Variants in MADD observed in about 807,000 individuals in gnomAD.
MADD encodes MAP kinase-activating death domain protein.
In MADD, 109 loss-of-function variants were observed where a neutral mutation model predicts 176.7. The observed-to-expected ratio is 0.62, with a 90% confidence interval of 0.53 to 0.72. The LOEUF is 0.72. MADD is among the 30% of genes least tolerant of loss of function. The pLI, the probability that MADD is intolerant of heterozygous loss-of-function variation, is 0.00. For missense variants in MADD, 1,914 were observed against 2,045.5 expected (o/e 0.94, Z 1.24); for synonymous variants, 771 against 771.3 (o/e 1.00, Z 0.01).
intron 25 of MADD, among the ~76,000 whole-genome samples, chr11:47,310,289 C>T (rs2087302379): frequency 6.6e-6 from 1 of 151,896 alleles, no homozygotes; most frequent in Non-Finnish European, 1.5e-5. Flanking sequence ...TCAAGCAATT[C>T]TCCTGCCTCA....
intron 27 of MADD, among the ~76,000 whole-genome samples, chr11:47,322,972 T>A (rs935936170): frequency 6.6e-6 from 1 of 152,124 alleles, no homozygotes; most frequent in Non-Finnish European, 1.5e-5. Context: ...GCGCGGTGGC[T>A]CACGCCTGTA....
chr11:47,284,910 G>T, intron 12 of MADD, 31 bp from the exon 13 acceptor site: 3 of 1,611,098 alleles, frequency 1.9e-6, no homozygotes, highest in Non-Finnish European at 2.5e-6. Context: ...TGGGCACCAG[G>T]TAACCACTTT....
intron 22 of MADD, among the ~76,000 whole-genome samples, chr11:47,304,595 A>G (rs958521658): frequency 4.0e-5 from 6 of 149,742 alleles, no homozygotes; most frequent in African/African-American, 1.5e-4. Flanking sequence ...TTTTTTTGTT[A>G]TGATTTTTAT....
At chr11:47,269,795 G>A (rs1958484572), upstream of MADD, 1 of 152,176 alleles carries the variant, frequency 6.6e-6, no homozygotes, top group South Asian at 2.1e-4. Flanking sequence ...CCGTCAGGAA[G>A]TCTCAGGGGC....
chr11:47,309,759 C>T (rs1333395992), intron 25 of MADD, 147 bp downstream of exon 28: 2 of 627,964 alleles, frequency 3.2e-6, no homozygotes, highest in Non-Finnish European at 5.6e-6. Context: ...GGCCTCTCTG[C>T]CAGCTTACAA....
intron 15 of MADD, 61 bp from the exon 17 acceptor site, chr11:47,289,330 G>T (rs1592724349): frequency 7.3e-7 from 1 of 1,366,872 alleles, no homozygotes; most frequent in East Asian, 2.3e-5. Context: ...TTAGGGCTGT[G>T]CTGGCATGAG....
intron 6 of MADD, 108 bp from the exon 7 acceptor site, chr11:47,278,891 C>T (rs867093300): frequency 1.5e-5 from 12 of 820,888 alleles, no homozygotes; most frequent in South Asian, 4.7e-5. Flanking sequence ...AATGTATATT[C>T]GTTTATATAA....
At chr11:47,308,025 A>AT (rs1233776403) in intron 22 of MADD, among the ~76,000 whole-genome samples, 7 of 152,224 alleles carry the variant, frequency 4.6e-5, no homozygotes, top group African/African-American at 1.4e-4. Flanking sequence ...AGTTAGTGAT[A>AT]TTTTTTAGGG....
intron 22 of MADD, among the ~76,000 whole-genome samples, chr11:47,302,904 T>TTGTG (rs1353316711): frequency 2.6e-5 from 4 of 152,190 alleles, no homozygotes; most frequent in African/African-American, 9.6e-5. Flanking sequence ...TTTTTCTCCT[T>TTGTG]TGTGTGTCTG....
intron 27 of MADD, among the ~76,000 whole-genome samples, chr11:47,320,669 A>C (rs10742801): frequency 0.4 from 61,087 of 151,080 alleles, 13,356 homozygotes; most frequent in East Asian, 0.69. Flanking sequence ...TGCCTGTGGT[A>C]CCAGCTACTG....
intron 25 of MADD, among the ~76,000 whole-genome samples, chr11:47,310,518 C>CA (rs2087649469): frequency 6.6e-6 from 1 of 152,054 alleles, no homozygotes; most frequent in Non-Finnish European, 1.5e-5. Context: ...TGTGGTCTCT[C>CA]TTTACTAAGT....
intron 1 of MADD, 33 bp from the exon 2 acceptor site, chr11:47,273,794 A>G (rs1337724350): frequency 2.6e-6 from 2 of 782,292 alleles, no homozygotes; most frequent in Non-Finnish European, 4.4e-6. Context: ...TAGGCACAGC[A>G]GTGGATCTTA....
At chr11:47,309,683 T>A (rs2086382081) in intron 25 of MADD, 71 bp downstream of exon 28, 1 of 1,226,168 alleles carries the variant, frequency 8.2e-7, no homozygotes, top group Non-Finnish European at 1.2e-6. Flanking sequence ...TCGCCTAAAT[T>A]TCGGGGTAGC....
chr11:47,277,377 C>T (rs1246286283), intron 5 of MADD, among the ~76,000 whole-genome samples: 1 of 152,232 alleles, frequency 6.6e-6, no homozygotes, highest in African/African-American at 2.4e-5. Flanking sequence ...ACTGGAGCCT[C>T]TGCCTTCCAG....
At chr11:47,317,803 C>G (rs1339946066) in intron 27 of MADD, among the ~76,000 whole-genome samples, 3 of 150,970 alleles carry the variant, frequency 2.0e-5, no homozygotes, top group East Asian at 1.9e-4. Flanking sequence ...CAGAGTCTCT[C>G]TCTATCGCCC....
At chr11:47,290,840 G>GT in intron 19 of MADD, 24 bp downstream of exon 20, 1 of 1,565,380 alleles carries the variant, frequency 6.4e-7, no homozygotes, top group South Asian at 1.1e-5. Flanking sequence ...TGTTTGGTGT[G>GT]GTGGAGGGGT....
At chr11:47,290,276 C>T in exon 18 of MADD, 1 of 1,614,076 alleles carries the variant, frequency 6.2e-7, no homozygotes, top group Non-Finnish European at 8.5e-7. Flanking sequence ...TTGGAGATTG[C>T]CCAGACCCAC....
exon 27 of MADD, chr11:47,315,305 A>T: frequency 6.2e-7 from 1 of 1,613,240 alleles, no homozygotes; most frequent in Non-Finnish European, 8.5e-7. Flanking sequence ...ACAGATACAA[A>T]CGGAGATATC....
At chr11:47,315,127 C>A in intron 26 of MADD, 93 bp from the exon 30 acceptor site, 1 of 726,426 alleles carries the variant, frequency 1.4e-6, no homozygotes, top group South Asian at 1.6e-5. Context: ...CTGAGGAAGC[C>A]GATATGAATT....
Sources: gnomAD v4.1 joint callset for allele counts (sites outside exome capture counted in the v4.1 genomes callset) on GRCh38, gnomAD v4.1.1 for gene constraint, MANE v1.5 for transcripts, NCBI Gene and HGNC (gene_info 2026-07-23, HGNC 2026-07-21) for gene names.